The following ELFN1 variants were observed in gnomAD, a reference collection of about 807,000 sequenced individuals.
ELFN1 encodes the protein extracellular leucine rich repeat and fibronectin type III domain containing 1.
Under a neutral mutation model 7.6 loss-of-function variants are expected in ELFN1, and 6 were observed. The observed-to-expected ratio is 0.79, with a 90% CI of 0.43 to 1.56. The LOEUF is 1.56. Ranked by LOEUF, ELFN1 falls within the 40% of genes most tolerant of loss-of-function variation. The pLI is 0.01. For missense variants in ELFN1, 1,169 were observed against 1,232.2 expected (o/e 0.95, Z 0.77); for synonymous variants, 657 against 588.1 (o/e 1.12, Z -1.70).
At chr7:1,687,327 C>G (rs952367005) in intron 1 of ELFN1, among the ~76,000 whole-genome samples, 11 of 150,566 alleles carry the variant, frequency 7.3e-5, no homozygotes, top group African/African-American at 2.4e-4. Flanking sequence ...CTATTCTATG[C>G]CAGAATTCCC....
intron 2 of ELFN1, among the ~76,000 whole-genome samples, chr7:1,697,994 G>A (rs889865113): frequency 1.3e-5 from 2 of 152,182 alleles, no homozygotes; most frequent in Non-Finnish European, 2.9e-5. Context: ...GCGGGCGGGC[G>A]CTGACTAAGG....
upstream of ELFN1, among the ~76,000 whole-genome samples, chr7:1,669,627 C>G (rs906667779): frequency 3.0e-4 from 46 of 152,344 alleles, no homozygotes; most frequent in South Asian, 1.0e-3. Flanking sequence ...GAAACTGAGC[C>G]GAAGAGTGCT....
At chr7:1,693,621 C>T (rs1462197807) in intron 2 of ELFN1, 14 of 471,094 alleles carry the variant, frequency 3.0e-5, no homozygotes, top group Admixed American at 1.4e-4. Context: ...TGAACACCTC[C>T]GGCGGTGCCC....
At chr7:1,671,883 G>A (rs1223284292) in intron 1 of ELFN1, among the ~76,000 whole-genome samples, 2 of 152,194 alleles carry the variant, frequency 1.3e-5, no homozygotes, top group Non-Finnish European at 2.9e-5. Context: ...GATTTGAGGG[G>A]GTTTGGAGCC....
At chr7:1,731,456 T>C (rs1780323583) in intron 3 of ELFN1, among the ~76,000 whole-genome samples, 1 of 152,142 alleles carries the variant, frequency 6.6e-6, no homozygotes, top group South Asian at 2.1e-4. Context: ...AGGGGAGGTG[T>C]TATCAATAGA....
chr7:1,719,661 C>A (rs1353166049), intron 3 of ELFN1, among the ~76,000 whole-genome samples: 1 of 152,168 alleles, frequency 6.6e-6, no homozygotes, highest in Non-Finnish European at 1.5e-5. Flanking sequence ...TGTTGGCAGA[C>A]CTTTGGCATC....
intron 3 of ELFN1, among the ~76,000 whole-genome samples, chr7:1,742,991 C>T (rs1043375049): frequency 1.3e-5 from 2 of 152,250 alleles, no homozygotes; most frequent in Non-Finnish European, 1.5e-5. Context: ...CACATATTAA[C>T]AAGCAAACAC....
intron 3 of ELFN1, among the ~76,000 whole-genome samples, chr7:1,725,419 T>C (rs1459288054): frequency 2.1e-5 from 3 of 141,070 alleles, no homozygotes; most frequent in Non-Finnish European, 4.6e-5. Flanking sequence ...GCCAGGTCGG[T>C]GCAGCCTTAG....
At chr7:1,707,916 A>G (rs765097346) in intron 2 of ELFN1, among the ~76,000 whole-genome samples, 6 of 152,138 alleles carry the variant, frequency 3.9e-5, no homozygotes, top group Non-Finnish European at 5.9e-5. Flanking sequence ...GCACAGGCAG[A>G]CAGACAGACC....
chr7:1,695,992 G>C lies in ELFN1; in HGVS notation c.-456+7842G>C, dbSNP rs958792364. On this transcript the variant is annotated intron_variant, in intron 2 of 3. Coordinates refer to ENST00000424383, the MANE Select transcript of ELFN1 (RefSeq NM_001128636.4). The surrounding 1 kb of genome is among the most constrained non-coding windows in gnomAD (Gnocchi z 5.1). ...GACCTGACTCCTGCCTGCCTTTGTC[G>C]GCCCCGGCTCTCATAACAAAAGCGG... Among the ~76,000 whole-genome samples the C allele has an allele frequency of 4.6e-5, 7 of 152,178 alleles. No homozygotes were observed. Among genetic ancestry groups the C allele is most frequent in the Non-Finnish European group, 1.0e-4 (7 of 68,016 alleles).
intron 2 of ELFN1, among the ~76,000 whole-genome samples, chr7:1,700,102 A>C (rs1431024165): frequency 6.6e-6 from 1 of 151,976 alleles, no homozygotes; most frequent in Non-Finnish European, 1.5e-5. Context: ...TCTCTCTGGG[A>C]TTCTCTCCTT....
intron 3 of ELFN1, among the ~76,000 whole-genome samples, chr7:1,724,952 G>A (rs1434180723): frequency 6.6e-6 from 1 of 152,200 alleles, no homozygotes; most frequent in Non-Finnish European, 1.5e-5. Context: ...CTGATGTGAG[G>A]TGCTAGCCCC....
At chr7:1,716,486 C>T (rs77777669) in intron 3 of ELFN1, among the ~76,000 whole-genome samples, 4 of 152,328 alleles carry the variant, frequency 2.6e-5, no homozygotes, top group East Asian at 3.9e-4. Context: ...TGGACGTGGG[C>T]GTATGTCTGT....
In ELFN1 at chr7:1,745,808, C is replaced by G. The variant is rs1439639501; in HGVS notation, c.1212C>G (p.Ser404Arg). 8 of 1,562,836 alleles carry G rather than the reference C, an allele frequency of 5.1e-6. No homozygotes were observed. The highest frequency in any genetic ancestry group is 6.9e-6 in the Non-Finnish European group (8 of 1,155,956). ...CLTICLPRLP[S>R]PPGPVPSPST... is the part of the protein sequence containing the mutation. The stretch of plus-strand genomic sequence containing the variant: ...CCATCTGCTTGCCCCGGCTGCCCAG[C>G]CCGCCTGGTCCGGTGCCCAGCCCCT... The change falls in exon 4 of 4, where the codon AGC becomes AGG. Residue 404 changes from serine to arginine, a missense_variant. Physicochemically the swap from Ser to Arg is moderately radical, Grantham distance 110. Around this residue, in one of 2 missense-constraint regions of ELFN1, gnomAD observed 914 missense variants for 872.6 expected, o/e 1.05. Transcript: ENST00000424383.
intron 1 of ELFN1, among the ~76,000 whole-genome samples, chr7:1,685,015 G>T (rs1018654192): frequency 8.5e-5 from 13 of 152,048 alleles, no homozygotes; most frequent in African/African-American, 3.1e-4. Context: ...GACTTCTCTT[G>T]GTATTTCTTC....
intron 3 of ELFN1, chr7:1,742,238 T>C (rs1780643769): frequency 1.3e-5 from 2 of 152,242 alleles, no homozygotes; most frequent in African/African-American, 4.8e-5. Context: ...GAGCAAGAGA[T>C]TAAAGGTGAT....
chr7:1,717,523 C>T (rs1176009964), intron 3 of ELFN1, among the ~76,000 whole-genome samples: 1 of 152,104 alleles, frequency 6.6e-6, no homozygotes, highest in African/African-American at 2.4e-5. Context: ...AGGAAGGTGC[C>T]GGGGGAGCTG....
chr7:1,668,337 C>T (rs1440674775), upstream of ELFN1, among the ~76,000 whole-genome samples: 1 of 152,268 alleles, frequency 6.6e-6, no homozygotes, highest in African/African-American at 2.4e-5. Flanking sequence ...GCGCCCAGCA[C>T]AGCGCAGGGC....
chr7:1,716,838 G>A (rs895066472), intron 3 of ELFN1, among the ~76,000 whole-genome samples: 1 of 152,208 alleles, frequency 6.6e-6, no homozygotes, highest in Non-Finnish European at 1.5e-5. Context: ...TGGCTTGACG[G>A]CAGCCATGGA....
Sources: allele counts gnomAD v4.1 joint callset (sites outside exome capture counted in the v4.1 genomes callset), GRCh38; gene constraint gnomAD v4.1.1; regional missense constraint gnomAD v4.1.1; non-coding constraint Gnocchi (gnomAD v3.1); transcripts MANE v1.5; gene names NCBI Gene and HGNC (gene_info 2026-07-23, HGNC 2026-07-21).